The following CDH2 variants were observed in gnomAD, a reference collection of about 807,000 sequenced individuals.
CDH2 encodes the protein cadherin 2.
CDH2 carries 17 observed loss-of-function variants against 92.0 expected under a neutral mutation model. That is an observed-to-expected ratio of 0.18 (90% CI 0.13 to 0.28). The LOEUF (loss-of-function observed/expected upper bound fraction) is 0.28. CDH2 is among the 10% of genes least tolerant of loss of function. The pLI is 1.00. For synonymous variants in CDH2, 419 were observed against 415.9 expected, an observed-to-expected ratio of 1.01 and a Z score of -0.09; for missense variants, 862 against 1,133.1, an observed-to-expected ratio of 0.76 and a Z score of 3.44.
intron 2 of CDH2, among the ~76,000 whole-genome samples, chr18:28,052,493 T>C (rs528388523): frequency 7.0e-6 from 1 of 142,422 alleles, no homozygotes; most frequent in South Asian, 2.3e-4. Flanking sequence ...CTCTATAAGG[T>C]CTTATGTGTA....
chr18:28,148,528 T>C (rs1204602854), intron 1 of CDH2, among the ~76,000 whole-genome samples: 2 of 152,198 alleles, frequency 1.3e-5, no homozygotes, highest in East Asian at 3.9e-4. Flanking sequence ...GCCCTACTTC[T>C]TTCAGCCCTA....
chr18:28,110,941 C>T (rs187331586), intron 2 of CDH2, among the ~76,000 whole-genome samples: 12 of 152,108 alleles, frequency 7.9e-5, no homozygotes, highest in Middle Eastern at 3.4e-3. Flanking sequence ...AAGCAGGACT[C>T]GGAGTACATC....
intron 2 of CDH2, among the ~76,000 whole-genome samples, chr18:28,107,237 T>C (rs1226167433): frequency 6.6e-6 from 1 of 151,830 alleles, no homozygotes; most frequent in African/African-American, 2.4e-5. Flanking sequence ...TATTGTTATG[T>C]AAAGAAAGAA....
intron 5 of CDH2, among the ~76,000 whole-genome samples, chr18:28,006,370 G>C (rs1167355421): frequency 6.6e-6 from 1 of 152,086 alleles, no homozygotes; most frequent in Non-Finnish European, 1.5e-5. Context: ...GTTGTGTCCA[G>C]CTCCAAAATC....
chr18:28,072,544 A>C (rs537136347), intron 2 of CDH2, among the ~76,000 whole-genome samples: 2 of 152,320 alleles, frequency 1.3e-5, no homozygotes, highest in Middle Eastern at 3.4e-3. Flanking sequence ...GACTCTGTTA[A>C]ACACTTGTAT....
chr18:27,938,896 T>C (rs540146566), intron 6 of CDH2, among the ~76,000 whole-genome samples: 7 of 152,320 alleles, frequency 4.6e-5, no homozygotes, highest in African/African-American at 1.7e-4. Flanking sequence ...AGCAAAAGTA[T>C]TTTTAGCAAG....
chr18:28,049,818 G>A (rs1213245076), intron 2 of CDH2, among the ~76,000 whole-genome samples: 2 of 152,192 alleles, frequency 1.3e-5, no homozygotes, highest in African/African-American at 4.8e-5. Context: ...AAATAGTTTA[G>A]ATTACTGCAT....
chr18:28,161,861 C>G (rs1232030371), intron 1 of CDH2, among the ~76,000 whole-genome samples: 1 of 152,144 alleles, frequency 6.6e-6, no homozygotes, highest in Non-Finnish European at 1.5e-5. Flanking sequence ...AGTGGGCATA[C>G]AGAACCCAGG....
intron 13 of CDH2, among the ~76,000 whole-genome samples, chr18:27,984,788 G>A (rs1010399112): frequency 3.3e-5 from 5 of 152,178 alleles, no homozygotes; most frequent in African/African-American, 4.8e-5. Context: ...GCATGCTGAG[G>A]CAGCTTGTTG....
intron 2 of CDH2, among the ~76,000 whole-genome samples, chr18:28,021,459 G>A (rs1358246653): frequency 6.6e-6 from 1 of 151,576 alleles, no homozygotes; most frequent in African/African-American, 2.4e-5. Flanking sequence ...AATGATTATG[G>A]CAAAAAAAAT....
intron 1 of CDH2, among the ~76,000 whole-genome samples, chr18:28,171,126 A>G (rs899148621): frequency 1.3e-5 from 2 of 151,330 alleles, no homozygotes; most frequent in African/African-American, 4.9e-5. Flanking sequence ...GCTACACAGG[A>G]GGCTGAGGCA....
chr18:28,128,721 T>C (rs528418317), intron 2 of CDH2, among the ~76,000 whole-genome samples: 13 of 151,266 alleles, frequency 8.6e-5, no homozygotes, highest in Non-Finnish European at 1.6e-4. Context: ...TCAACTGTAA[T>C]ACCTAAAGTT....
At chr18:28,107,584 A>G (rs1367942819) in intron 2 of CDH2, among the ~76,000 whole-genome samples, 2 of 152,190 alleles carry the variant, frequency 1.3e-5, no homozygotes, top group Non-Finnish European at 2.9e-5. Context: ...CCTTACATTT[A>G]CAAGTAGGAC....
At chr18:28,112,341 T>C (rs1446649583) in intron 2 of CDH2, among the ~76,000 whole-genome samples, 2 of 152,170 alleles carry the variant, frequency 1.3e-5, no homozygotes, top group African/African-American at 4.8e-5. Flanking sequence ...GGGTTAGTGA[T>C]GTCTTGCCCA....
intron 2 of CDH2, among the ~76,000 whole-genome samples, chr18:28,057,388 A>G (rs1212610566): frequency 2.0e-5 from 3 of 152,238 alleles, no homozygotes; most frequent in African/African-American, 7.2e-5. Flanking sequence ...ATTTGAGGCC[A>G]GGCAAGGTGG....
At chr18:27,935,387 GATCT>G (rs1390664564) in intron 6 of CDH2, among the ~76,000 whole-genome samples, 1 of 152,102 alleles carries the variant, frequency 6.6e-6, no homozygotes, top group Non-Finnish European at 1.5e-5. Context: ...CACATAACCA[GATCT>G]TATGAGAACT....
chr18:27,952,466 T>C (rs919823030), intron 15 of CDH2, 107 bp from the exon 16 acceptor site: 1 of 826,006 alleles, frequency 1.2e-6, no homozygotes, highest in African/African-American at 1.7e-5. Context: ...CACTTGTTTG[T>C]AAATTTCCAT....
At chr18:27,962,172 A>G (rs1425158263) in intron 15 of CDH2, among the ~76,000 whole-genome samples, 1 of 152,192 alleles carries the variant, frequency 6.6e-6, no homozygotes, top group Admixed American at 6.5e-5. Flanking sequence ...TATAACTAAG[A>G]GCTGGCAAAG....
intron 2 of CDH2, among the ~76,000 whole-genome samples, chr18:28,095,321 C>T (rs2015112789): frequency 6.6e-6 from 1 of 152,046 alleles, no homozygotes; most frequent in African/African-American, 2.4e-5. Flanking sequence ...TGGCTCATGC[C>T]TATGATCCCA....
Sources: allele counts gnomAD v4.1 joint callset (sites outside exome capture counted in the v4.1 genomes callset), GRCh38; gene constraint gnomAD v4.1.1; transcripts MANE v1.5; gene names NCBI Gene and HGNC (gene_info 2026-07-23, HGNC 2026-07-21).